BBOX1: variants seen among roughly 807,000 people sequenced by gnomAD.
The protein encoded by BBOX1 is gamma-butyrobetaine hydroxylase 1.
Under a neutral mutation model 41.6 loss-of-function variants are expected in BBOX1, and 35 were observed. The ratio of observed to expected loss-of-function variants is 0.84; its 90% confidence interval spans 0.64 to 1.11. BBOX1 has a LOEUF of 1.11. BBOX1 is among the 50% of genes most tolerant of loss of function. BBOX1 has a pLI of 0.00. For synonymous variants in BBOX1, 163 were observed against 154.7 expected, an observed-to-expected ratio of 1.05 and a Z score of -0.40; for missense variants, 458 against 460.6, an observed-to-expected ratio of 0.99 and a Z score of 0.05.
intron 4 of BBOX1, among the ~76,000 whole-genome samples, chr11:27,081,651 A>C (rs1304332081): frequency 1.3e-5 from 2 of 152,172 alleles, no homozygotes; most frequent in African/African-American, 4.8e-5. Flanking sequence ...ACAATGGTTG[A>C]ACTAATTTAC....
At chr11:27,048,461 A>G (rs1851560292) in intron 2 of BBOX1, among the ~76,000 whole-genome samples, 1 of 121,050 alleles carries the variant, frequency 8.3e-6, no homozygotes, top group African/African-American at 3.5e-5. Flanking sequence ...GTTGAATAAT[A>G]TTGAGGTGTG....
At chr11:27,045,976 G>A (rs11029800) in intron 2 of BBOX1, among the ~76,000 whole-genome samples, 305 of 152,258 alleles carry the variant, frequency 2.0e-3, no homozygotes, top group Non-Finnish European at 3.7e-3. Context: ...AGAACTTGAA[G>A]AGTATCACTT....
chr11:27,072,312 C>G (rs1297823678), intron 4 of BBOX1, among the ~76,000 whole-genome samples: 2 of 152,084 alleles, frequency 1.3e-5, no homozygotes, highest in East Asian at 3.9e-4. Context: ...GAGTGAACTC[C>G]CATTCACAAT....
chr11:27,125,639 C>A lies in BBOX1; in HGVS notation c.837-15C>A, dbSNP rs191780792. On this transcript the variant is annotated splice_polypyrimidine_tract_variant and intron_variant, in intron 7 of 8. Coordinates refer to ENST00000263182, the MANE Select transcript of BBOX1 (RefSeq NM_003986.3). ...TTCATGAATTATATATTAATTTTTTCTCTTAATAAAACAGGTTAGATGATA... is the reference window on the plus strand; with the variant it reads ...TTCATGAATTATATATTAATTTTTTATCTTAATAAAACAGGTTAGATGATA... 4.6e-3 allele frequency: 6,772 copies of A among 1,478,818 alleles called. 28 individuals carry two copies. The highest frequency in any genetic ancestry group is 5.2e-3 in the Non-Finnish European group (5,750 of 1,109,244). 91.6% of individuals were successfully genotyped at this position (1,478,818 alleles called of 1,614,324 possible).
chr11:27,042,080 C>T (rs1035156958), intron 2 of BBOX1, among the ~76,000 whole-genome samples: 4 of 152,250 alleles, frequency 2.6e-5, no homozygotes, highest in Admixed American at 6.5e-5. Context: ...TGATTAAAAA[C>T]GTAAGGTTTC....
In BBOX1 at chr11:27,125,730, G is replaced by A; in HGVS notation, c.913G>A (p.Glu305Lys). Residue 305 changes from glutamate (E) to lysine (K), a missense_variant, in exon 8 of 9, where the codon GAA becomes AAA. Glu to Lys is a moderately conservative substitution (Grantham distance 56). Transcript: ENST00000263182. Reference sequence around the variant, plus strand: ...GGACACAATATTTGATGTGCCTGTTGAAAGAGTTCAGCCTTTTTATGCTGC... The same window carrying A: ...GGACACAATATTTGATGTGCCTGTTAAAAGAGTTCAGCCTTTTTATGCTGC... The part of the protein sequence containing the change: ...TRDTIFDVPV[E>K]RVQPFYAALK... The A allele has an allele frequency of 6.2e-7, 1 of 1,613,276 alleles. No homozygotes were observed. Among genetic ancestry groups the A allele is most frequent in the Non-Finnish European group, 8.5e-7 (1 of 1,179,544 alleles).
chr11:27,095,552 C>T (rs533742955), intron 5 of BBOX1, among the ~76,000 whole-genome samples: 2 of 152,086 alleles, frequency 1.3e-5, no homozygotes, highest in Non-Finnish European at 2.9e-5. Context: ...TTAACCTACC[C>T]ATCTCACCTT....
At position 27,055,542 on chromosome 11, in the gene BBOX1, T is replaced by G; in HGVS notation, c.112T>G (p.Cys38Gly). ...LYPAVWLRDNCPCSDCYLDSA... is the reference protein window; with the variant it reads ...LYPAVWLRDNGPCSDCYLDSA... The stretch of plus-strand genomic sequence containing the variant: ...CCCAGCTGTATGGTTGAGAGACAAC[T>G]GTCCGTGCTCTGATTGCTACCTGGA... The change falls in exon 3 of 9, where the codon TGT (cysteine) becomes GGT (glycine). Residue 38 changes from cysteine to glycine, a missense_variant. Cys to Gly is a radical substitution (Grantham distance 159, BLOSUM62 -3). Coordinates refer to ENST00000263182, the MANE Select transcript of BBOX1 (RefSeq NM_003986.3). The G allele has an allele frequency of 6.2e-7, 1 of 1,614,198 alleles. No homozygotes were observed. The highest frequency in any genetic ancestry group is 8.5e-7 in the Non-Finnish European group (1 of 1,180,016).
intron 4 of BBOX1, among the ~76,000 whole-genome samples, chr11:27,089,445 G>T (rs1858158644): frequency 6.6e-6 from 1 of 151,914 alleles, no homozygotes; most frequent in Non-Finnish European, 1.5e-5. Flanking sequence ...TACTTAAACA[G>T]CTGTAGTAAA....
intron 5 of BBOX1, among the ~76,000 whole-genome samples, 166 bp downstream of exon 5, chr11:27,093,532 A>AT (rs1858325900): frequency 6.6e-6 from 1 of 151,966 alleles, no homozygotes; most frequent in African/African-American, 2.4e-5. Flanking sequence ...GAGAATGATA[A>AT]TTTTTTAAGA....
chr11:27,127,457 C>A lies in BBOX1; in HGVS notation c.*4C>A. 6.3e-7 allele frequency: 1 copy of A among 1,599,276 alleles called. No individual in the cohort carries two copies. The highest frequency in any genetic ancestry group is 1.1e-5 in the South Asian group (1 of 87,686). On this transcript the variant is annotated 3_prime_UTR_variant, in exon 9 of 9. Coordinates refer to ENST00000263182, the MANE Select transcript of BBOX1 (RefSeq NM_003986.3). ...GAGGGTGGAGAATGGAAACTGAAGT[C>A]ACCTGTAGATAATTTTAATAAGATT... is the stretch of plus-strand genomic sequence containing the variant.
At chr11:27,043,466 A>T (rs1368747122) in intron 2 of BBOX1, among the ~76,000 whole-genome samples, 1 of 152,056 alleles carries the variant, frequency 6.6e-6, no homozygotes, top group Non-Finnish European at 1.5e-5. Flanking sequence ...ACACGTGCAG[A>T]ATGTGCAGGT....
intron 2 of BBOX1, among the ~76,000 whole-genome samples, chr11:27,050,135 G>T (rs1332830113): frequency 2.0e-5 from 3 of 152,030 alleles, no homozygotes; most frequent in African/African-American, 7.2e-5. Flanking sequence ...TAGTGTTCTT[G>T]GGATCTTTGT....
rs1343529757 is a variant in BBOX1, at chr11:27,119,788, C to A, written c.779C>A (p.Thr260Lys). The A allele has an allele frequency of 6.3e-7, 1 of 1,597,820 alleles. No individual in the cohort carries two copies. The highest frequency in any genetic ancestry group is 1.3e-5 in the African/African-American group (1 of 74,082). The change falls in exon 7 of 9, where the codon ACA becomes AAA. Residue 260 changes from threonine to lysine, a missense_variant. Transcript: ENST00000263182. Reference sequence around the variant, plus strand: ...TTGTCCTCTACCTTTGTGGACTTTACAGACATTGGAGTGGATTACTGTGAT... The same window carrying A: ...TTGTCCTCTACCTTTGTGGACTTTAAAGACATTGGAGTGGATTACTGTGAT... ...QILSSTFVDFTDIGVDYCDFS... is the reference protein window; with the variant it reads ...QILSSTFVDFKDIGVDYCDFS...
intron 4 of BBOX1, among the ~76,000 whole-genome samples, chr11:27,089,621 G>A (rs1405107850): frequency 6.6e-6 from 1 of 151,968 alleles, no homozygotes; most frequent in Admixed American, 6.6e-5. Context: ...AGAACAAATG[G>A]TGATGGGAAA....
intron 5 of BBOX1, among the ~76,000 whole-genome samples, chr11:27,095,268 C>T (rs1858397486): frequency 6.6e-6 from 1 of 151,974 alleles, no homozygotes; most frequent in African/African-American, 2.4e-5. Context: ...CAAGGCATTT[C>T]ACAATTTCAT....
At chr11:27,041,499 T>C (rs1006704714) in intron 2 of BBOX1, 21 bp downstream of exon 2, 1 of 152,184 alleles carries the variant, frequency 6.6e-6, no homozygotes, top group Non-Finnish European at 1.5e-5. Flanking sequence ...GGTGGTTTGC[T>C]GTGTAAAGCA....
chr11:27,115,414 G>T, intron 5 of BBOX1, 38 bp from the exon 6 acceptor site: 2 of 1,538,998 alleles, frequency 1.3e-6, no homozygotes, highest in South Asian at 2.3e-5. Flanking sequence ...CTGGCTTAGT[G>T]ACAACCTGTT....
intron 3 of BBOX1, among the ~76,000 whole-genome samples, chr11:27,056,235 T>G (rs556737504): frequency 1.3e-5 from 2 of 152,288 alleles, no homozygotes; most frequent in South Asian, 4.1e-4. Context: ...GTTGTACTCC[T>G]TATCATCACT....
Sources: allele counts gnomAD v4.1 joint callset (sites outside exome capture counted in the v4.1 genomes callset), GRCh38; gene constraint gnomAD v4.1.1; transcripts MANE v1.5; gene names NCBI Gene and HGNC (gene_info 2026-07-23, HGNC 2026-07-21).